The following MAPK8 variants were observed in gnomAD, a reference collection of about 807,000 sequenced individuals.
MAPK8 encodes the protein mitogen-activated protein kinase 8, also known as JUN N-terminal kinase.
MAPK8 carries 13 observed loss-of-function variants against 52.9 expected under a neutral mutation model. That is an observed-to-expected ratio of 0.25 (90% CI 0.16 to 0.39). The LOEUF (loss-of-function observed/expected upper bound fraction) is 0.39. Among genes scored for constraint, MAPK8 ranks in the 10% least tolerant of loss-of-function variants. MAPK8 has a pLI of 1.00. For missense variants in MAPK8, 300 were observed against 519.2 expected, an observed-to-expected ratio of 0.58 and a Z score of 4.10; for synonymous variants, 191 against 169.8, an observed-to-expected ratio of 1.12 and a Z score of -0.97.
At chr10:48,313,196 G>A (rs919641522) in intron 1 of MAPK8, among the ~76,000 whole-genome samples, 6 of 152,196 alleles carry the variant, frequency 3.9e-5, no homozygotes, top group African/African-American at 7.2e-5. Context: ...ACTTTGGGAG[G>A]CCGAGGCGGG....
At chr10:48,430,613 A>G (rs1449353137) in intron 10 of MAPK8, 2 of 152,604 alleles carry the variant, frequency 1.3e-5, no homozygotes, top group Non-Finnish European at 2.9e-5. Flanking sequence ...CCATGGAGAA[A>G]TGTTCTTCGA....
intron 1 of MAPK8, among the ~76,000 whole-genome samples, chr10:48,399,129 A>G (rs1469747036): frequency 6.6e-6 from 1 of 152,174 alleles, no homozygotes; most frequent in African/African-American, 2.4e-5. Context: ...CCAGACTGGC[A>G]TAGGCTTCTT....
At chr10:48,355,063 G>A (rs1267801349) in intron 1 of MAPK8, among the ~76,000 whole-genome samples, 1 of 152,184 alleles carries the variant, frequency 6.6e-6, no homozygotes, top group Non-Finnish European at 1.5e-5. Flanking sequence ...GGAATAGGCA[G>A]CTACAGAATA....
chr10:48,348,017 T>C (rs557147765), intron 1 of MAPK8, among the ~76,000 whole-genome samples: 1 of 152,358 alleles, frequency 6.6e-6, no homozygotes, highest in South Asian at 2.1e-4. Context: ...CCACTAACAG[T>C]GTAAAAGTGT....
intron 1 of MAPK8, among the ~76,000 whole-genome samples, chr10:48,390,470 C>T (rs2041560340): frequency 6.6e-6 from 1 of 152,196 alleles, no homozygotes; most frequent in Non-Finnish European, 1.5e-5. Flanking sequence ...CCAGGATTGC[C>T]TGATGATTAC....
At chr10:48,425,863 A>C in intron 7 of MAPK8, 25 bp from the exon 8 acceptor site, 1 of 1,486,436 alleles carries the variant, frequency 6.7e-7, no homozygotes, top group Non-Finnish European at 9.2e-7. Flanking sequence ...GTTATGGAGT[A>C]TTTTTCTTAG....
chr10:48,376,015 A>G (rs2040638243), intron 1 of MAPK8, among the ~76,000 whole-genome samples: 2 of 152,222 alleles, frequency 1.3e-5, no homozygotes, highest in Admixed American at 6.5e-5. Context: ...TAACTAAAAC[A>G]GTATGGTACT....
rs141441375 is a variant in MAPK8, at chr10:48,320,076, C to T, written c.-50+13255C>T. 1.9e-3 allele frequency among the ~76,000 whole-genome samples: 288 copies of T among 151,870 alleles called. 5 individuals are homozygous for T. In the East Asian group the frequency reaches 0.032, roughly 17 times the overall value. ...GGATTACAGGCGCATGCCACCACTG[C>T]CAGCTTATTTTGTATTTTTGGTAGA... On this transcript the variant is annotated intron_variant, in intron 1 of 11. Coordinates refer to ENST00000374189, the MANE Select transcript of MAPK8 (RefSeq NM_001323329.2).
chr10:48,388,495 G>A (rs1025898571), intron 1 of MAPK8, among the ~76,000 whole-genome samples: 1 of 152,096 alleles, frequency 6.6e-6, no homozygotes, highest in African/African-American at 2.4e-5. Flanking sequence ...GGTGGTTGCT[G>A]TGGGAATCAA....
At chr10:48,406,275 T>C (rs1420061678) in intron 3 of MAPK8, among the ~76,000 whole-genome samples, 7 of 152,248 alleles carry the variant, frequency 4.6e-5, no homozygotes, top group Non-Finnish European at 8.8e-5. Flanking sequence ...ACTTGATGTG[T>C]TGCTCATCAC....
At chr10:48,317,832 G>GGGATGGGAGTTTGGGGAGTTT (rs1842649171) in intron 1 of MAPK8, among the ~76,000 whole-genome samples, 1 of 152,164 alleles carries the variant, frequency 6.6e-6, no homozygotes, top group South Asian at 2.1e-4. Flanking sequence ...CGGGCAGAAA[G>GGGATGGGAGTTTGGGGAGTTT]GGATGGGAGT....
In MAPK8 at chr10:48,439,327, TAAAAA is replaced by T. The variant is rs750628929; in HGVS notation, c.*4300_*4304del. ...TGTCAATTGGTTATAATATTTTAAA[TAAAAA>T]AGAAAAAAGTGGTATGAAAATTATG... On this transcript the variant is annotated 3_prime_UTR_variant, in exon 12 of 12. Coordinates refer to ENST00000374189, the MANE Select transcript of MAPK8 (RefSeq NM_001323329.2). The T allele has an allele frequency of 4.0e-5, 6 of 150,158 alleles. No homozygotes were observed. The East Asian group carries it at 7.7e-4, about 19-fold the overall frequency. 9.3% of individuals were successfully genotyped at this position (150,158 alleles called of 1,614,324 possible).
intron 1 of MAPK8, among the ~76,000 whole-genome samples, chr10:48,355,508 C>CAAAA (rs67368546): frequency 5.3e-5 from 6 of 113,434 alleles, no homozygotes; most frequent in Admixed American, 9.8e-5. Flanking sequence ...GATTCCGTCT[C>CAAAA]AAAAAAAAAA....
intron 1 of MAPK8, among the ~76,000 whole-genome samples, chr10:48,328,402 T>C (rs1843743543): frequency 6.6e-6 from 1 of 152,126 alleles, no homozygotes; most frequent in African/African-American, 2.4e-5. Context: ...TTTTTGATGA[T>C]CAGTTGTCTC....
Position 48,377,198 on chromosome 10 carries a change from A to G in MAPK8, c.-49-24414A>G, listed in dbSNP as rs987710267. On this transcript the variant is annotated intron_variant, in intron 1 of 11. Transcript: ENST00000374189. Reference sequence around the variant, plus strand: ...ACATGGACACAGGGAGGGGAACATCACACACCAGGGCCTGTCAGGGGTTTG... The same window carrying G: ...ACATGGACACAGGGAGGGGAACATCGCACACCAGGGCCTGTCAGGGGTTTG... Among the ~76,000 whole-genome samples the G allele has an allele frequency of 2.0e-5, 3 of 152,162 alleles. No individual in the cohort carries two copies. In the East Asian group the frequency reaches 5.8e-4, roughly 29 times the overall value.
chr10:48,376,193 A>G (rs1401760364), intron 1 of MAPK8, among the ~76,000 whole-genome samples: 1 of 152,216 alleles, frequency 6.6e-6, no homozygotes, highest in East Asian at 1.9e-4. Context: ...ATATGCAGAA[A>G]GCTGAAACTG....
intron 1 of MAPK8, among the ~76,000 whole-genome samples, chr10:48,317,442 C>T (rs553105927): frequency 2.0e-5 from 3 of 152,138 alleles, no homozygotes; most frequent in South Asian, 2.1e-4. Flanking sequence ...GGATTATAGG[C>T]GTGAGCCACC....
intron 1 of MAPK8, among the ~76,000 whole-genome samples, chr10:48,356,087 G>T (rs1846902929): frequency 6.6e-6 from 1 of 152,126 alleles, no homozygotes. Context: ...GTGACTCTCA[G>T]ACAGGAGGCC....
Position 48,372,388 on chromosome 10 carries a change from G to C in MAPK8, c.-49-29224G>C, listed in dbSNP as rs1429545847. On this transcript the variant is annotated intron_variant, in intron 1 of 11. Transcript: ENST00000374189. ...GGAGAATGAGTTTGACGGATTGACA[G>C]AAGTAGGCTTCAGAAGGTGGGTACT... is the stretch of plus-strand genomic sequence containing the variant. 2.0e-5 allele frequency among the ~76,000 whole-genome samples: 3 copies of C among 152,098 alleles called. No homozygotes were observed. In the East Asian group the frequency reaches 5.8e-4, roughly 29 times the overall value.
Sources: gnomAD v4.1 joint callset for allele counts (sites outside exome capture counted in the v4.1 genomes callset) on GRCh38, gnomAD v4.1.1 for gene constraint, MANE v1.5 for transcripts, NCBI Gene and HGNC (gene_info 2026-07-23, HGNC 2026-07-21) for gene names.